Variants in XKR9 observed in about 807,000 individuals in gnomAD.
XKR9 encodes XK related 9.
XKR9 carries 32 observed loss-of-function variants against 32.0 expected under a neutral mutation model. The observed-to-expected ratio is 1.00, with a 90% CI of 0.76 to 1.34. XKR9 has a LOEUF of 1.34. Among genes scored for constraint, XKR9 ranks in the 40% most tolerant of loss-of-function variants. The pLI is 0.00. For synonymous variants in XKR9, 168 were observed against 143.4 expected, an observed-to-expected ratio of 1.17 and a Z score of -1.22; for missense variants, 546 against 429.7, an observed-to-expected ratio of 1.27 and a Z score of -2.39.
the XKR9 span, among the ~76,000 whole-genome samples, chr8:71,043,566 A>G: frequency 6.6e-6 from 1 of 152,220 alleles, no homozygotes; most frequent in Non-Finnish European, 1.5e-5. Context: ...TTTATTTTCT[A>G]GAAACCAACC....
chr8:70,852,829 C>A, the XKR9 span, among the ~76,000 whole-genome samples: 1 of 151,902 alleles, frequency 6.6e-6, no homozygotes, highest in East Asian at 1.9e-4. Flanking sequence ...AGGGGAAGAT[C>A]ACATTCTGGG....
At chr8:70,672,915 G>C (rs1373121344) in intron 1 of XKR9, among the ~76,000 whole-genome samples, 1 of 152,062 alleles carries the variant, frequency 6.6e-6, no homozygotes, top group Non-Finnish European at 1.5e-5. Context: ...GGGATTATTT[G>C]TGTTTTCTCT....
chr8:70,843,119 T>C, the XKR9 span, among the ~76,000 whole-genome samples: 1 of 152,148 alleles, frequency 6.6e-6, no homozygotes, highest in Non-Finnish European at 1.5e-5. Flanking sequence ...TGTTATTTCT[T>C]CTCCAAAAGA....
At chr8:71,062,355 G>A in the XKR9 span, among the ~76,000 whole-genome samples, 5 of 152,196 alleles carry the variant, frequency 3.3e-5, no homozygotes, top group African/African-American at 1.2e-4. Context: ...GAGATTGAGT[G>A]TCTGGTTGGA....
At chr8:70,962,735 T>A in the XKR9 span, among the ~76,000 whole-genome samples, 1 of 152,186 alleles carries the variant, frequency 6.6e-6, no homozygotes, top group Admixed American at 6.5e-5. Context: ...CTTTTTTTGG[T>A]AAAGTCACAC....
At chr8:70,821,689 G>T in the XKR9 span, among the ~76,000 whole-genome samples, 2 of 152,184 alleles carry the variant, frequency 1.3e-5, no homozygotes, top group Non-Finnish European at 2.9e-5. Flanking sequence ...GACAAGGCTT[G>T]GGGCTTGCAC....
chr8:70,939,076 TAA>T, the XKR9 span, among the ~76,000 whole-genome samples: 16 of 151,992 alleles, frequency 1.1e-4, no homozygotes, highest in Non-Finnish European at 1.9e-4. Context: ...TATCTCCCAT[TAA>T]AATTGCTGGT....
the XKR9 span, among the ~76,000 whole-genome samples, chr8:70,906,337 T>C: frequency 6.6e-6 from 1 of 152,358 alleles, no homozygotes; most frequent in East Asian, 1.9e-4. Context: ...CTGAGTCTAA[T>C]GTTCAGAATA....
At chr8:70,782,699 T>C (rs2130255404) in intron 2 of XKR9, among the ~76,000 whole-genome samples, 1 of 152,270 alleles carries the variant, frequency 6.6e-6, no homozygotes, top group East Asian at 1.9e-4. Context: ...CCTGGCTTAT[T>C]TCACTTAGGA....
At chr8:70,821,823 AT>A in the XKR9 span, among the ~76,000 whole-genome samples, 1 of 151,756 alleles carries the variant, frequency 6.6e-6, no homozygotes, top group Non-Finnish European at 1.5e-5. Flanking sequence ...CCATGAAACC[AT>A]TTTTTCCTCC....
chr8:70,805,321 T>C, the XKR9 span, among the ~76,000 whole-genome samples: 2 of 152,182 alleles, frequency 1.3e-5, no homozygotes, highest in African/African-American at 2.4e-5. Context: ...TGGCGCCTAG[T>C]GTCTCACCCC....
intron 2 of XKR9, among the ~76,000 whole-genome samples, chr8:70,677,832 G>C (rs1818932791): frequency 6.6e-6 from 1 of 152,118 alleles, no homozygotes; most frequent in African/African-American, 2.4e-5. Flanking sequence ...TTCACTTTTA[G>C]TAAACACCTA....
the XKR9 span, among the ~76,000 whole-genome samples, chr8:71,024,044 G>T: frequency 3.3e-5 from 5 of 152,152 alleles, no homozygotes; most frequent in African/African-American, 9.7e-5. Flanking sequence ...CTTGGGAGGG[G>T]CAGGGCCAGG....
At chr8:70,670,016 C>T (rs1469509470) in intron 1 of XKR9, among the ~76,000 whole-genome samples, 2 of 152,212 alleles carry the variant, frequency 1.3e-5, no homozygotes, top group Non-Finnish European at 2.9e-5. Context: ...TTACTTAGTA[C>T]TTCCTACTAT....
intron 1 of XKR9, among the ~76,000 whole-genome samples, chr8:70,674,270 A>G (rs1303275753): frequency 1.3e-5 from 2 of 152,224 alleles, no homozygotes; most frequent in Non-Finnish European, 2.9e-5. Flanking sequence ...GATCTGGGAA[A>G]GCCTAAAGAT....
At chr8:70,951,001 CTCTT>C in the XKR9 span, among the ~76,000 whole-genome samples, 18 of 152,178 alleles carry the variant, frequency 1.2e-4, no homozygotes, top group Non-Finnish European at 2.6e-4. Flanking sequence ...GTTCCTCTCT[CTCTT>C]TCTCTCCGTA....
At chr8:70,753,417 A>C (rs1487700988) in intron 2 of XKR9, among the ~76,000 whole-genome samples, 1 of 152,090 alleles carries the variant, frequency 6.6e-6, no homozygotes, top group African/African-American at 2.4e-5. Flanking sequence ...TCATTTTATG[A>C]GGCCAGCATC....
intron 3 of XKR9, among the ~76,000 whole-genome samples, chr8:70,693,761 G>C (rs1171541417): frequency 6.6e-6 from 1 of 152,192 alleles, no homozygotes; most frequent in Non-Finnish European, 1.5e-5. Flanking sequence ...GGGTATGGGG[G>C]ACTTGTGGGA....
chr8:70,866,277 T>C, the XKR9 span, among the ~76,000 whole-genome samples: 3 of 152,204 alleles, frequency 2.0e-5, no homozygotes, highest in Non-Finnish European at 4.4e-5. Context: ...TGGAACCCAA[T>C]GTGTTTCTGA....
Sources: allele counts gnomAD v4.1 joint callset (sites outside exome capture counted in the v4.1 genomes callset), GRCh38; gene constraint gnomAD v4.1.1; transcripts MANE v1.5; gene names NCBI Gene and HGNC (gene_info 2026-07-23, HGNC 2026-07-21).